The following AGPAT1 variants were observed in gnomAD, a reference collection of about 807,000 sequenced individuals.
AGPAT1 encodes the protein 1-acyl-sn-glycerol-3-phosphate acyltransferase alpha.
A neutral mutation model predicts 31.2 loss-of-function variants in AGPAT1; 6 were observed. The ratio of observed to expected loss-of-function variants is 0.19; its 90% CI spans 0.11 to 0.38. The LOEUF (loss-of-function observed/expected upper bound fraction) is 0.38, where lower values mean the gene tolerates loss of function less well. AGPAT1 is among the 10% of genes least tolerant of loss of function. The probability of loss-of-function intolerance (pLI) is 1.00; values close to 1 mark genes in which losing one functional copy is unlikely to be tolerated. For missense variants in AGPAT1, 187 were observed against 377.8 expected, an observed-to-expected ratio of 0.49 and a Z score of 4.19; for synonymous variants, 139 against 154.0, an observed-to-expected ratio of 0.90 and a Z score of 0.72.
chr6:32,176,200 C>T, upstream of AGPAT1: 1 of 954,764 alleles, frequency 1.0e-6, no homozygotes, highest in Non-Finnish European at 1.2e-6. Flanking sequence ...GGCATCTCCT[C>T]CCCACATCTA....
chr6:32,171,055 C>T lies in AGPAT1; in HGVS notation c.216G>A (p.Met72Ile). The change falls in exon 3 of 7, where the codon ATG becomes ATA. Residue 72 changes from methionine (M) to isoleucine (I), a missense_variant. By Grantham distance (10) the Met-to-Ile change is conservative. This residue lies in a region of AGPAT1 where 113 missense variants were observed against 283.1 expected (regional missense o/e 0.40). Transcript: ENST00000375107. The surrounding 1 kb of genome is among the most constrained non-coding windows in gnomAD (Gnocchi z 6.9). ...NVENMKILRL[M>I]LLHIKYLYGI... ...CGTACAGGTATTTGATGTGGAGCAGCATTAGACGCAAGATCCTGTGGGGTC... is the reference window on the plus strand; with the variant it reads ...CGTACAGGTATTTGATGTGGAGCAGTATTAGACGCAAGATCCTGTGGGGTC... 6.2e-7 allele frequency: 1 copy of T among 1,612,436 alleles called. No individual in the cohort carries two copies. The highest frequency in any genetic ancestry group is 8.5e-7 in the Non-Finnish European group (1 of 1,179,672).
chr6:32,177,256 A>C, upstream of AGPAT1: 4 of 395,488 alleles, frequency 1.0e-5, 1 homozygote, highest in Admixed American at 1.8e-4. Flanking sequence ...CTTTAGTCAC[A>C]GTGAGGGTCA....
In AGPAT1 at chr6:32,171,137, C is replaced by G; in HGVS notation, c.201-67G>C. ...GTCCATCTGCATGCCTCAGCTCCCC[C>G]CACCTTACTGTCTTTCTGACCACCT... On this transcript the variant is annotated intron_variant, in intron 2 of 6. Coordinates refer to ENST00000375107, the MANE Select transcript of AGPAT1 (RefSeq NM_006411.4). The surrounding 1 kb of genome is among the most constrained non-coding windows in gnomAD (Gnocchi z 6.9). 17 of 1,591,292 alleles carry G rather than the reference C, an allele frequency of 1.1e-5. No individual in the cohort carries two copies. The highest frequency in any genetic ancestry group is 1.4e-5 in the Non-Finnish European group (16 of 1,166,034).
chr6:32,173,841 C>T lies in AGPAT1; in HGVS notation c.-10+1973G>A, dbSNP rs938619992. 2.6e-5 allele frequency among the ~76,000 whole-genome samples: 4 copies of T among 152,166 alleles called. No individual in the cohort carries two copies. The highest frequency in any genetic ancestry group is 5.9e-5 in the Non-Finnish European group (4 of 68,024). On this transcript the variant is annotated intron_variant, in intron 1 of 6. Coordinates refer to ENST00000375107, the MANE Select transcript of AGPAT1 (RefSeq NM_006411.4). This position sits in a 1 kb window ranked among gnomAD's most constrained non-coding sequence, Gnocchi z 4.7. ...AAGTATAGAAATGCAAATTATTAGA[C>T]TTCACCCCAGATCTACTGAATCAGA...
Position 32,176,052 on chromosome 6 carries a change from GTCTC to G in AGPAT1, c.-252_-249del, listed in dbSNP as rs1309340510. On this transcript the variant is annotated 5_prime_UTR_variant, in exon 1 of 7. Transcript: ENST00000375107. ...CACCCTCCCTCCCTCCCTTTCTGCT[GTCTC>G]TCTGAGGGCTGGGGCTGCTGCCGCC... 1.0e-6 allele frequency: 1 copy of G among 982,350 alleles called. No individual in the cohort carries two copies. The highest frequency in any genetic ancestry group is 1.2e-6 in the Non-Finnish European group (1 of 827,682). The allele number at this position is 982,350 out of a possible 1,614,324, so 60.9% of individuals were successfully genotyped here.
Position 32,171,516 on chromosome 6 carries a change from T to G in AGPAT1, c.-9-11A>C, listed in dbSNP as rs1223102794. ...ATCCATTCTGGCCACCTGCAGGGGA[T>G]GGGGCAAGGGACAATCAGCCTGGTT... On this transcript the variant is annotated splice_polypyrimidine_tract_variant and intron_variant, in intron 1 of 6. Transcript: ENST00000375107. The surrounding 1 kb of genome is among the most constrained non-coding windows in gnomAD (Gnocchi z 6.9). The G allele has an allele frequency of 6.4e-7, 1 of 1,558,492 alleles. No individual in the cohort carries two copies. The highest frequency in any genetic ancestry group is 1.4e-5 in the African/African-American group (1 of 73,652).
chr6:32,174,320 C>A lies in AGPAT1; in HGVS notation c.-10+1494G>T, dbSNP rs1407690441. 6.6e-6 allele frequency among the ~76,000 whole-genome samples: 1 copy of A among 152,064 alleles called. No homozygotes were observed. On this transcript the variant is annotated intron_variant, in intron 1 of 6. Coordinates refer to ENST00000375107, the MANE Select transcript of AGPAT1 (RefSeq NM_006411.4). This position sits in a 1 kb window ranked among gnomAD's most constrained non-coding sequence, Gnocchi z 4.5. Reference sequence around the variant, plus strand: ...TTATCCTCTTGAGTAGAAGTGACTACTAAAAGAAGTCACTGAGAAAGTAAC... The same window carrying A: ...TTATCCTCTTGAGTAGAAGTGACTAATAAAAGAAGTCACTGAGAAAGTAAC...
chr6:32,170,726 G>T lies in AGPAT1; in HGVS notation c.335-126C>A, dbSNP rs1785016622. The T allele has an allele frequency of 7.3e-7, 1 of 1,372,612 alleles. No individual in the cohort carries two copies. The highest frequency in any genetic ancestry group is 1.0e-6 in the Non-Finnish European group (1 of 982,314). 85.0% of individuals were successfully genotyped at this position (1,372,612 alleles called of 1,614,324 possible). The stretch of plus-strand genomic sequence containing the variant: ...GTGAAGGAGGAGACTAGGCAGGGAG[G>T]GGGGCCCCAAGTGAAGGAAAGGGTG... On this transcript the variant is annotated intron_variant, in intron 3 of 6. Transcript: ENST00000375107. This position sits in a 1 kb window ranked among gnomAD's most constrained non-coding sequence, Gnocchi z 7.7.
rs2127420445 is a variant in AGPAT1, at chr6:32,174,155, G to A, written c.-10+1659C>T. ...TAAGCAGCTTAAGGACAGGGACTCT[G>A]TCTTATCTCCAGTGCCAGGACAATA... On this transcript the variant is annotated intron_variant, in intron 1 of 6. Coordinates refer to ENST00000375107, the MANE Select transcript of AGPAT1 (RefSeq NM_006411.4). This position sits in a 1 kb window ranked among gnomAD's most constrained non-coding sequence, Gnocchi z 4.5. Among the ~76,000 whole-genome samples the A allele has an allele frequency of 6.6e-6, 1 of 152,180 alleles. No homozygotes were observed.
Position 32,169,502 on chromosome 6 carries a change from G to C in AGPAT1, c.680-54C>G. On this transcript the variant is annotated intron_variant, in intron 6 of 6. Transcript: ENST00000375107. The surrounding 1 kb of genome is among the most constrained non-coding windows in gnomAD (Gnocchi z 5.9). Reference sequence around the variant, plus strand: ...TGTCCACCCAGGTCTTTGCCCACAGGTGGGGCCCAGCTTCCGAGTGATACT... The same window carrying C: ...TGTCCACCCAGGTCTTTGCCCACAGCTGGGGCCCAGCTTCCGAGTGATACT... 6.3e-7 allele frequency: 1 copy of C among 1,590,290 alleles called. No homozygotes were observed. Among genetic ancestry groups the C allele is most frequent in the East Asian group, 2.2e-5 (1 of 44,540 alleles).
At chr6:32,176,834 A>G (rs1785601056), upstream of AGPAT1, 4 of 394,744 alleles carry the variant, frequency 1.0e-5, no homozygotes, top group East Asian at 3.6e-5. Context: ...TTTTCTTCCA[A>G]TGGAAATTTG....
chr6:32,169,229 T>G lies in AGPAT1; in HGVS notation c.*47A>C. Reference sequence around the variant, plus strand: ...TCAGGGCCCACTGGGTGGGTAGGTGTGGGGAGGAAGATGGGGACAGATGGG... The same window carrying G: ...TCAGGGCCCACTGGGTGGGTAGGTGGGGGGAGGAAGATGGGGACAGATGGG... On this transcript the variant is annotated 3_prime_UTR_variant, in exon 7 of 7. Transcript: ENST00000375107. The surrounding 1 kb of genome is among the most constrained non-coding windows in gnomAD (Gnocchi z 5.9). The G allele has an allele frequency of 6.3e-7, 1 of 1,595,296 alleles. No homozygotes were observed. Among genetic ancestry groups the G allele is most frequent in the Middle Eastern group, 1.7e-4 (1 of 5,992 alleles).
In AGPAT1 at chr6:32,170,491, G is replaced by A; in HGVS notation, c.444C>T (p.Asp148=). ...ACWLAGVIFI[D]RKRTGDAISV... ...TGATGGCATCCCCCGTGCGCTTCCG[G>A]TCGATGAAGATGACTCCTGCCAGCC... Residue 148 remains aspartate, a synonymous_variant, in exon 4 of 7, where the codon GAC becomes GAT. Coordinates refer to ENST00000375107, the MANE Select transcript of AGPAT1 (RefSeq NM_006411.4). The surrounding 1 kb of genome is among the most constrained non-coding windows in gnomAD (Gnocchi z 7.7). The A allele has an allele frequency of 1.2e-6, 2 of 1,613,060 alleles. No individual in the cohort carries two copies. The highest frequency in any genetic ancestry group is 1.7e-5 in the Admixed American group (1 of 60,026).
rs1248372212 is a variant in AGPAT1 at position 32,169,817 on chromosome 6, A to G, written c.679+149T>C. Reference sequence around the variant, plus strand: ...ATCTGGCAGGGTATGGTGGGTGCTTAGTAAAGACTTATTGGCTGATGTGGG... The same window carrying G: ...ATCTGGCAGGGTATGGTGGGTGCTTGGTAAAGACTTATTGGCTGATGTGGG... On this transcript the variant is annotated intron_variant, in intron 6 of 6. Coordinates refer to ENST00000375107, the MANE Select transcript of AGPAT1 (RefSeq NM_006411.4). This position sits in a 1 kb window ranked among gnomAD's most constrained non-coding sequence, Gnocchi z 5.9. 10 of 733,562 alleles carry G rather than the reference A, an allele frequency of 1.4e-5. No individual in the cohort carries two copies. In the Admixed American group the frequency reaches 2.5e-4, roughly 18 times the overall value. 45.4% of individuals were successfully genotyped at this position (733,562 alleles called of 1,614,324 possible). A position where few individuals can be genotyped will look rare whatever the true frequency, so the allele number is the denominator to read the frequency against.
rs879943381 is a variant in AGPAT1, at chr6:32,169,647, C to A, written c.680-199G>T. 6.0e-6 allele frequency: 4 copies of A among 661,770 alleles called. No homozygotes were observed. The highest frequency in any genetic ancestry group is 3.6e-5 in the African/African-American group (2 of 54,902). 41.0% of individuals were successfully genotyped at this position (661,770 alleles called of 1,614,324 possible). A position where few individuals can be genotyped will look rare whatever the true frequency, so the allele number is the denominator to read the frequency against. On this transcript the variant is annotated intron_variant, in intron 6 of 6. Coordinates refer to ENST00000375107, the MANE Select transcript of AGPAT1 (RefSeq NM_006411.4). The surrounding 1 kb of genome is among the most constrained non-coding windows in gnomAD (Gnocchi z 5.9). ...CTTCTCCAATCCCCAGTTCAGACAT[C>A]TCCTCAGCACCCCTCCAGCCCCCCT...
In AGPAT1 at chr6:32,169,349, G is replaced by A; in HGVS notation, c.779C>T (p.Thr260Ile). Residue 260 changes from threonine to isoleucine, a missense_variant, in exon 7 of 7, where the codon ACT becomes ATT. Transcript: ENST00000375107. The surrounding 1 kb of genome is among the most constrained non-coding windows in gnomAD (Gnocchi z 5.9). The part of the protein sequence containing the change: ...LADRVRHSML[T>I]VFREISTDGR... Reference sequence around the variant, plus strand: ...ATCAGTGGAGATTTCCCGGAAAACAGTGAGCATGGAGTGCCGGACTCTGTC... The same window carrying A: ...ATCAGTGGAGATTTCCCGGAAAACAATGAGCATGGAGTGCCGGACTCTGTC... 6.2e-7 allele frequency: 1 copy of A among 1,613,010 alleles called. No individual in the cohort carries two copies. The highest frequency in any genetic ancestry group is 1.1e-5 in the South Asian group (1 of 91,086).
chr6:32,169,857 C>A lies in AGPAT1; in HGVS notation c.679+109G>T. 1 of 1,004,750 alleles carries A rather than the reference C, an allele frequency of 1.0e-6. No homozygotes were observed. Among genetic ancestry groups the A allele is most frequent in the Non-Finnish European group, 1.5e-6 (1 of 658,080 alleles). The allele number at this position is 1,004,750 out of a possible 1,614,324, so 62.2% of individuals were successfully genotyped here. ...GCTGATGTGGGGTTAGACTAGATGA[C>A]TGTGTAGACATCTCATGGCTCTGAC... On this transcript the variant is annotated intron_variant, in intron 6 of 6. Transcript: ENST00000375107. The surrounding 1 kb of genome is among the most constrained non-coding windows in gnomAD (Gnocchi z 5.9).
At position 32,176,029 on chromosome 6, in the gene AGPAT1, C is replaced by A; in HGVS notation, c.-225G>T. 1 of 931,506 alleles carries A rather than the reference C, an allele frequency of 1.1e-6. No homozygotes were observed. Among genetic ancestry groups the A allele is most frequent in the Non-Finnish European group, 1.3e-6 (1 of 780,956 alleles). 57.7% of individuals were successfully genotyped at this position (931,506 alleles called of 1,614,324 possible). A position where few individuals can be genotyped will look rare whatever the true frequency, so the allele number is the denominator to read the frequency against. ...ATGGTGGGGGGCTGTCCCCCCAGCA[C>A]CCTCCCTCCCTCCCTTTCTGCTGTC... is the stretch of plus-strand genomic sequence containing the variant. On this transcript the variant is annotated 5_prime_UTR_variant, in exon 1 of 7. Transcript: ENST00000375107.
In AGPAT1 at chr6:32,168,247, T is replaced by C; in HGVS notation, c.*1029A>G. 2.3e-6 allele frequency: 1 copy of C among 436,272 alleles called. No homozygotes were observed. Among genetic ancestry groups the C allele is most frequent in the Non-Finnish European group, 4.1e-6 (1 of 243,962 alleles). 27.0% of individuals were successfully genotyped at this position (436,272 alleles called of 1,614,324 possible). A position where few individuals can be genotyped will look rare whatever the true frequency, so the allele number is the denominator to read the frequency against. ...TCTTTATTTTCAGTTTTTTTGCTGT[T>C]ATCCAGATAATTAATAAAAACCAAC... is the stretch of plus-strand genomic sequence containing the variant. On this transcript the variant is annotated 3_prime_UTR_variant, in exon 7 of 7. Transcript: ENST00000375107. This position sits in a 1 kb window ranked among gnomAD's most constrained non-coding sequence, Gnocchi z 4.5.
Sources: gnomAD v4.1 joint callset for allele counts (sites outside exome capture counted in the v4.1 genomes callset) on GRCh38, gnomAD v4.1.1 for gene constraint, gnomAD v4.1.1 regional missense constraint, Gnocchi (gnomAD v3.1) non-coding constraint, MANE v1.5 for transcripts, NCBI Gene and HGNC (gene_info 2026-07-23, HGNC 2026-07-21) for gene names.